Variants in SULF1 observed in about 807,000 individuals in gnomAD.
SULF1 encodes the protein extracellular sulfatase Sulf-1.
SULF1 carries 46 observed loss-of-function variants against 110.5 expected under a neutral mutation model. The observed-to-expected ratio is 0.42, with a 90% CI of 0.33 to 0.53. The LOEUF (loss-of-function observed/expected upper bound fraction) is 0.53, where lower values mean the gene tolerates loss of function less well. SULF1 is among the 20% of genes least tolerant of loss of function. The pLI is 0.12. For synonymous variants in SULF1, 371 were observed against 387.1 expected (o/e 0.96, Z 0.49); for missense variants, 941 against 1,094.2 (o/e 0.86, Z 1.98).
chr8:69,654,874 G>A (rs951617707), intron 22 of SULF1, among the ~76,000 whole-genome samples: 1 of 152,174 alleles, frequency 6.6e-6, no homozygotes, highest in African/African-American at 2.4e-5. Context: ...TAAGGATAAT[G>A]TGCACCATTA....
chr8:69,588,717 C>G (rs543941214), intron 7 of SULF1, among the ~76,000 whole-genome samples: 1 of 151,764 alleles, frequency 6.6e-6, no homozygotes, highest in Admixed American at 6.6e-5. Context: ...TTTTTTTTTC[C>G]CCATTGCTAA....
intron 3 of SULF1, among the ~76,000 whole-genome samples, chr8:69,508,839 C>A (rs1169831119): frequency 6.6e-6 from 1 of 152,098 alleles, no homozygotes; most frequent in African/African-American, 2.4e-5. Flanking sequence ...GACACAGTGG[C>A]CATAGGAGAA....
chr8:69,558,267 A>G (rs1231057766), intron 3 of SULF1, among the ~76,000 whole-genome samples: 1 of 152,174 alleles, frequency 6.6e-6, no homozygotes, highest in Non-Finnish European at 1.5e-5. Context: ...TTGCTGGTGT[A>G]ATTCTACTTC....
chr8:69,643,468 G>A (rs1190026568), intron 22 of SULF1, among the ~76,000 whole-genome samples: 4 of 151,618 alleles, frequency 2.6e-5, no homozygotes, highest in African/African-American at 9.7e-5. Flanking sequence ...AAGATTTTGA[G>A]AGAAATGATA....
At chr8:69,624,295 A>G (rs1177502405) in intron 15 of SULF1, 98 bp downstream of exon 15, 1 of 1,474,516 alleles carries the variant, frequency 6.8e-7, no homozygotes, top group East Asian at 2.3e-5. Flanking sequence ...AAGCAGTATC[A>G]CTTGGCAATA....
At chr8:69,540,327 G>A (rs1813772997) in intron 3 of SULF1, among the ~76,000 whole-genome samples, 1 of 152,168 alleles carries the variant, frequency 6.6e-6, no homozygotes, top group Admixed American at 6.5e-5. Flanking sequence ...AAATACTAGA[G>A]TATCTAATAT....
chr8:69,627,861 A>C lies in SULF1; in HGVS notation c.2037A>C (p.Lys679Asn), dbSNP rs750498753. 2.5e-6 allele frequency: 4 copies of C among 1,611,620 alleles called. No homozygotes were observed. The Admixed American group carries it at 6.7e-5, about 27-fold the overall frequency. ...RRKPEECSCS[K>N]QSYYNKEKGV... Reference sequence around the variant, plus strand: ...AGCCTGAGGAATGTAGCTGCAGTAAACAAAGGTGAGCTTGTTTCCATCCAT... The same window carrying C: ...AGCCTGAGGAATGTAGCTGCAGTAACCAAAGGTGAGCTTGTTTCCATCCAT... The change falls in exon 17 of 23, where the codon AAA (lysine) becomes AAC (asparagine). Residue 679 changes from lysine to asparagine, a missense_variant. Lys to Asn is a moderately conservative substitution (Grantham distance 94). Coordinates refer to ENST00000402687, the MANE Select transcript of SULF1 (RefSeq NM_001128205.2).
At chr8:69,584,683 T>A (rs914496486) in intron 6 of SULF1, 7 of 152,176 alleles carry the variant, frequency 4.6e-5, no homozygotes, top group East Asian at 1.9e-4. Flanking sequence ...TTGGGCAAAA[T>A]CATCGAACAC....
intron 1 of SULF1, among the ~76,000 whole-genome samples, chr8:69,475,347 G>A (rs1037207815): frequency 4.0e-5 from 6 of 151,870 alleles, no homozygotes; most frequent in Non-Finnish European, 7.4e-5. Flanking sequence ...GACAGTGAGT[G>A]AGCAGAGACA....
At chr8:69,483,706 G>A (rs1421561113) in intron 1 of SULF1, among the ~76,000 whole-genome samples, 1 of 152,050 alleles carries the variant, frequency 6.6e-6, no homozygotes, top group Non-Finnish European at 1.5e-5. Context: ...GGAGGATCAC[G>A]TGAACCTTAG....
At chr8:69,543,133 A>G (rs528409881) in intron 3 of SULF1, among the ~76,000 whole-genome samples, 18 of 152,284 alleles carry the variant, frequency 1.2e-4, no homozygotes, top group African/African-American at 3.4e-4. Context: ...TGTTTTTTTA[A>G]TTACTCTAAA....
chr8:69,566,567 T>C (rs1815894885), intron 5 of SULF1, among the ~76,000 whole-genome samples: 1 of 152,184 alleles, frequency 6.6e-6, no homozygotes, highest in Non-Finnish European at 1.5e-5. Context: ...AACTAGCTCA[T>C]TGGCTGGGTG....
chr8:69,578,077 C>G (rs528297968), intron 6 of SULF1, among the ~76,000 whole-genome samples: 56 of 152,060 alleles, frequency 3.7e-4, no homozygotes, highest in Non-Finnish European at 6.5e-4. Flanking sequence ...AACTAAGCAT[C>G]CAGATGTTAA....
intron 4 of SULF1, 129 bp from the exon 5 acceptor site, chr8:69,563,787 C>G: frequency 1.8e-6 from 1 of 566,018 alleles, no homozygotes; most frequent in East Asian, 2.9e-5. Context: ...ATTTCTGACT[C>G]ATGTGCAACC....
rs534767159 is a variant in SULF1, at chr8:69,634,351, A to T, written c.2285-4151A>T. Reference sequence around the variant, plus strand: ...GAATAGATGGTTTTCATTAGGTGACATTCCTAGAATTATTGTCATAAGTTA... The same window carrying T: ...GAATAGATGGTTTTCATTAGGTGACTTTCCTAGAATTATTGTCATAAGTTA... On this transcript the variant is annotated intron_variant, in intron 19 of 22. Transcript: ENST00000402687. Among the ~76,000 whole-genome samples, 15 of 152,362 alleles carry T rather than the reference A, an allele frequency of 9.8e-5. No individual in the cohort carries two copies. The South Asian group carries it at 2.9e-3, about 29-fold the overall frequency.
At chr8:69,498,501 A>G (rs1810544853) in intron 2 of SULF1, among the ~76,000 whole-genome samples, 1 of 152,150 alleles carries the variant, frequency 6.6e-6, no homozygotes, top group African/African-American at 2.4e-5. Context: ...GACAAAGCCC[A>G]AGACACAACC....
intron 8 of SULF1, among the ~76,000 whole-genome samples, chr8:69,595,176 T>C (rs1486655946): frequency 6.6e-6 from 1 of 152,024 alleles, no homozygotes; most frequent in Non-Finnish European, 1.5e-5. Context: ...AGACCCAAAG[T>C]CTATATTTTT....
At chr8:69,550,031 A>C (rs948641380) in intron 3 of SULF1, among the ~76,000 whole-genome samples, 1 of 151,832 alleles carries the variant, frequency 6.6e-6, no homozygotes, top group African/African-American at 2.4e-5. Flanking sequence ...GAGATACTGT[A>C]AGGCACAGTG....
chr8:69,606,985 A>G (rs1300932413), intron 13 of SULF1, among the ~76,000 whole-genome samples: 25 of 152,238 alleles, frequency 1.6e-4, no homozygotes, highest in Non-Finnish European at 1.5e-5. Flanking sequence ...AGTGAGCTTT[A>G]GAAGTGAAGA....
Sources: allele counts gnomAD v4.1 joint callset (sites outside exome capture counted in the v4.1 genomes callset), GRCh38; gene constraint gnomAD v4.1.1; transcripts MANE v1.5; gene names NCBI Gene and HGNC (gene_info 2026-07-23, HGNC 2026-07-21).